The following PITPNM2 variants were observed in gnomAD, a reference collection of about 807,000 sequenced individuals.
PITPNM2 encodes phosphatidylinositol transfer protein membrane associated 2.
A neutral mutation model predicts 132.2 loss-of-function variants in PITPNM2; 35 were observed. The ratio of observed to expected loss-of-function variants is 0.26; its 90% CI spans 0.20 to 0.35. The LOEUF is 0.35. Ranked by LOEUF, PITPNM2 falls within the 10% of genes least tolerant of loss-of-function variation. The probability of loss-of-function intolerance (pLI) is 1.00; values close to 1 mark genes in which losing one functional copy is unlikely to be tolerated. For synonymous variants in PITPNM2, 738 were observed against 799.2 expected (o/e 0.92, Z 1.29); for missense variants, 1,332 against 1,912.0 (o/e 0.70, Z 5.66).
chr12:123,089,988 T>G (rs1481045041), intron 2 of PITPNM2: 1 of 152,248 alleles, frequency 6.6e-6, no homozygotes, highest in East Asian at 1.9e-4. Context: ...TTATGGAGTA[T>G]TATTCTTGGA....
chr12:123,104,751 T>C (rs1318202332), intron 2 of PITPNM2, among the ~76,000 whole-genome samples: 1 of 152,180 alleles, frequency 6.6e-6, no homozygotes. Context: ...AAAAGCTTTA[T>C]TGCTCACACA....
intron 1 of PITPNM2, among the ~76,000 whole-genome samples, chr12:123,124,082 T>C (rs941375358): frequency 9.9e-5 from 15 of 151,684 alleles, no homozygotes; most frequent in Admixed American, 7.9e-4. Flanking sequence ...GGTGAAACCC[T>C]ATCTCTACTA....
chr12:123,041,334 C>T (rs1488319037), intron 2 of PITPNM2, among the ~76,000 whole-genome samples: 1 of 152,154 alleles, frequency 6.6e-6, no homozygotes, highest in Non-Finnish European at 1.5e-5. Flanking sequence ...CTGTGGGCTT[C>T]CTGGTAGGGC....
At chr12:123,014,145 G>T in intron 3 of PITPNM2, 103 bp from the exon 4 acceptor site, 5 of 1,273,694 alleles carry the variant, frequency 3.9e-6, no homozygotes, top group Non-Finnish European at 5.5e-6. Flanking sequence ...GGGAGGAGGG[G>T]CTTTGGTCAA....
rs2136075652 is a variant in PITPNM2 at position 122,990,799 on chromosome 12, G to A, written c.2405-90C>T. 2.2e-6 allele frequency: 3 copies of A among 1,362,426 alleles called. No homozygotes were observed. In the South Asian group the frequency reaches 4.3e-5, roughly 19 times the overall value. 84.4% of individuals were successfully genotyped at this position (1,362,426 alleles called of 1,614,324 possible). A position where few individuals can be genotyped will look rare whatever the true frequency, so the allele number is the denominator to read the frequency against. On this transcript the variant is annotated intron_variant, in intron 16 of 25. Transcript: ENST00000320201. ...AAGCCAGTGTGCCAGGGTCCAGTGTGCACCTAGACTGGAGGCTGGGCAGCA... is the reference window on the plus strand; with the variant it reads ...AAGCCAGTGTGCCAGGGTCCAGTGTACACCTAGACTGGAGGCTGGGCAGCA...
chr12:123,143,061 G>A (rs2043539585), intron 1 of PITPNM2, among the ~76,000 whole-genome samples: 1 of 152,074 alleles, frequency 6.6e-6, no homozygotes, highest in Non-Finnish European at 1.5e-5. Flanking sequence ...ACAACCTCAC[G>A]CCACTGATGA....
rs1259966117 is a variant in PITPNM2 at position 122,987,803 on chromosome 12, G to T, written c.3096C>A (p.Val1032=). ...GRFMYGPLDM[V]TLTGEKVDVH... is the part of the protein sequence containing the mutation. The stretch of plus-strand genomic sequence containing the variant: ...TCCTTACCTTCTCCCCAGTCAGGGT[G>T]ACCATGTCCAGGGGCCCATACATGA... The change falls in exon 21 of 26, where the codon GTC becomes GTA. Residue 1032 remains valine, a synonymous_variant. Transcript: ENST00000320201. The T allele has an allele frequency of 6.2e-7, 1 of 1,613,888 alleles. No individual in the cohort carries two copies. Among genetic ancestry groups the T allele is most frequent in the African/African-American group, 1.3e-5 (1 of 74,936 alleles).
intron 1 of PITPNM2, among the ~76,000 whole-genome samples, chr12:123,147,061 T>C (rs961727224): frequency 3.3e-5 from 5 of 152,200 alleles, no homozygotes; most frequent in African/African-American, 1.2e-4. Context: ...GCAGGGCCAT[T>C]GTGATGACCA....
At chr12:123,013,223 G>A (rs769490105) in intron 4 of PITPNM2, among the ~76,000 whole-genome samples, 3 of 152,238 alleles carry the variant, frequency 2.0e-5, no homozygotes, top group East Asian at 3.8e-4. Flanking sequence ...GCCCACCAGC[G>A]TGGGGAAGGG....
intron 2 of PITPNM2, among the ~76,000 whole-genome samples, chr12:123,070,717 G>A (rs545181091): frequency 2.0e-5 from 3 of 152,306 alleles, no homozygotes; most frequent in East Asian, 3.9e-4. Flanking sequence ...TTCCAAGGAG[G>A]AGCTGGGGAG....
At chr12:123,104,943 G>A (rs1320537573) in intron 2 of PITPNM2, among the ~76,000 whole-genome samples, 1 of 152,070 alleles carries the variant, frequency 6.6e-6, no homozygotes, top group African/African-American at 2.4e-5. Context: ...CATTTCCGAA[G>A]CTTCAGGTCA....
At chr12:122,988,933 G>A in intron 18 of PITPNM2, 61 bp from the exon 19 acceptor site, 1 of 1,470,306 alleles carries the variant, frequency 6.8e-7, no homozygotes, top group Non-Finnish European at 9.0e-7. Flanking sequence ...ACCCCGAAGG[G>A]TCACCCGGCC....
At chr12:123,062,915 T>A (rs1489067384) in intron 2 of PITPNM2, among the ~76,000 whole-genome samples, 1 of 152,232 alleles carries the variant, frequency 6.6e-6, no homozygotes, top group Non-Finnish European at 1.5e-5. Context: ...AGGGGTGACA[T>A]GTGCTCTGCC....
rs1592996654 is a variant in PITPNM2, at chr12:123,078,486, G to A, written c.-96+31899C>T. On this transcript the variant is annotated intron_variant, in intron 2 of 25. Transcript: ENST00000320201. This position sits in a 1 kb window ranked among gnomAD's most constrained non-coding sequence, Gnocchi z 7.3. ...CGATGCCCAGCCAGAGCCTGAAGTC[G>A]GGACCCCAGAGACTAAAGTGACCCT... Among the ~76,000 whole-genome samples the A allele has an allele frequency of 1.3e-5, 2 of 151,796 alleles. No homozygotes were observed. The highest frequency in any genetic ancestry group is 1.3e-4 in the Admixed American group (2 of 15,272).
Position 123,004,788 on chromosome 12 carries a change from CTCTGACCTGAG to C in PITPNM2, c.953-310_953-300del, listed in dbSNP as rs911020097. ...GACAGGCCTGGGTCCACTCCTGGGC[CTCTGACCTGAG>C]TCTGACCAAGAGCAAACTCCTGAAA... On this transcript the variant is annotated intron_variant, in intron 7 of 25. Coordinates refer to ENST00000320201, the MANE Select transcript of PITPNM2 (RefSeq NM_020845.3). The surrounding 1 kb of genome is among the most constrained non-coding windows in gnomAD (Gnocchi z 4.9). 6.6e-6 allele frequency among the ~76,000 whole-genome samples: 1 copy of C among 152,234 alleles called. No individual in the cohort carries two copies. Among genetic ancestry groups the C allele is most frequent in the African/African-American group, 2.4e-5 (1 of 41,464 alleles).
At chr12:123,073,244 GA>G (rs2136925776) in intron 2 of PITPNM2, among the ~76,000 whole-genome samples, 1 of 152,260 alleles carries the variant, frequency 6.6e-6, no homozygotes, top group South Asian at 2.1e-4. Context: ...CTAAGCTACG[GA>G]AAAATTGCAA....
At chr12:123,145,625 G>C (rs1565884799) in intron 1 of PITPNM2, among the ~76,000 whole-genome samples, 1 of 152,174 alleles carries the variant, frequency 6.6e-6, no homozygotes, top group Non-Finnish European at 1.5e-5. Context: ...CTCTCTCCAA[G>C]GTTGTCTTGG....
chr12:123,041,116 G>C (rs986700825), intron 2 of PITPNM2, among the ~76,000 whole-genome samples: 1 of 152,218 alleles, frequency 6.6e-6, no homozygotes, highest in Non-Finnish European at 1.5e-5. Flanking sequence ...GTGACAGTGG[G>C]CAAATTGCTT....
intron 3 of PITPNM2, among the ~76,000 whole-genome samples, chr12:123,033,702 T>C (rs1382094612): frequency 3.9e-5 from 6 of 152,170 alleles, no homozygotes; most frequent in Non-Finnish European, 5.9e-5. Context: ...TGGGGTGTTA[T>C]GGACTGAATG....
Sources: gnomAD v4.1 joint callset for allele counts (sites outside exome capture counted in the v4.1 genomes callset) on GRCh38, gnomAD v4.1.1 for gene constraint, Gnocchi (gnomAD v3.1) non-coding constraint, MANE v1.5 for transcripts, NCBI Gene and HGNC (gene_info 2026-07-23, HGNC 2026-07-21) for gene names.